The following OTUD5 variants were observed in gnomAD, a reference collection of about 807,000 sequenced individuals.
The protein encoded by OTUD5 is OTU domain-containing protein 5.
A neutral mutation model predicts 36.3 loss-of-function variants in OTUD5; 2 were observed. The observed-to-expected ratio is 0.06, with a 90% CI of 0.02 to 0.17. The LOEUF (loss-of-function observed/expected upper bound fraction) is 0.17, where lower values mean the gene tolerates loss of function less well. OTUD5 is among the 10% of genes least tolerant of loss of function. The pLI, the probability that OTUD5 is intolerant of heterozygous loss-of-function variation, is 1.00. For missense variants in OTUD5, 233 were observed against 512.3 expected (o/e 0.45, Z 5.26); for synonymous variants, 234 against 214.9 (o/e 1.09, Z -0.78).
chrX:48,938,846 A>G (rs1383588211), intron 2 of OTUD5, among the ~76,000 whole-genome samples: 1 of 111,266 alleles, frequency 9.0e-6, no homozygotes, highest in Non-Finnish European at 1.9e-5. Context: ...GATGACCTGC[A>G]GAGGTAGGGG....
intron 2 of OTUD5, among the ~76,000 whole-genome samples, chrX:48,937,484 T>A (rs886710248): frequency 8.9e-6 from 1 of 111,965 alleles, no homozygotes; most frequent in Non-Finnish European, 1.9e-5. Flanking sequence ...GGGAGTTCTA[T>A]CTTCAAGAGC....
At chrX:48,932,442 G>A (rs1434491374) in intron 5 of OTUD5, among the ~76,000 whole-genome samples, 2 of 109,435 alleles carry the variant, frequency 1.8e-5, no homozygotes, top group East Asian at 2.9e-4. Context: ...CTCCTGCCTC[G>A]GCCTCCCAAG....
At chrX:48,929,139 G>A (rs1051098623) in intron 5 of OTUD5, among the ~76,000 whole-genome samples, 5 of 111,568 alleles carry the variant, frequency 4.5e-5, no homozygotes, top group African/African-American at 1.6e-4. Context: ...TGTAATTCCA[G>A]CACTTTGGGA....
At chrX:48,928,488 G>A (rs2063699909) in intron 5 of OTUD5, among the ~76,000 whole-genome samples, 1 of 111,568 alleles carries the variant, frequency 9.0e-6, no homozygotes, top group African/African-American at 3.3e-5. Context: ...ATACTGCTAA[G>A]TGAAAAGAAG....
chrX:48,931,615 C>T (rs1318776103), intron 5 of OTUD5, among the ~76,000 whole-genome samples: 1 of 106,978 alleles, frequency 9.3e-6, no homozygotes, highest in Non-Finnish European at 1.9e-5. Context: ...CCCGTCTCTA[C>T]TAAAAATAGA....
At chrX:48,955,126 T>C (rs2064214104) in intron 1 of OTUD5, among the ~76,000 whole-genome samples, 2 of 111,616 alleles carry the variant, frequency 1.8e-5, no homozygotes, top group Admixed American at 1.9e-4. Flanking sequence ...CCCAGACTCT[T>C]TTCCTCAGAA....
intron 1 of OTUD5, among the ~76,000 whole-genome samples, chrX:48,955,531 G>A (rs2064222566): frequency 1.8e-5 from 2 of 111,352 alleles, no homozygotes; most frequent in Non-Finnish European, 3.8e-5. Flanking sequence ...TGAGTCTCCT[G>A]TCCCTGAAGG....
At chrX:48,930,272 G>C (rs1004252438) in intron 5 of OTUD5, among the ~76,000 whole-genome samples, 28 of 111,944 alleles carry the variant, frequency 2.5e-4, no homozygotes, top group African/African-American at 8.8e-4. Context: ...CGGGGGTACG[G>C]GTGAACAAGT....
At chrX:48,929,226 A>C (rs1157227569) in intron 5 of OTUD5, among the ~76,000 whole-genome samples, 2 of 108,609 alleles carry the variant, frequency 1.8e-5, no homozygotes, top group African/African-American at 3.4e-5. Context: ...GTCTCTACTA[A>C]AAATCAAAAA....
At chrX:48,947,366 CAG>C (rs782604985) in intron 1 of OTUD5, among the ~76,000 whole-genome samples, 11 of 109,408 alleles carry the variant, frequency 1.0e-4, no homozygotes, top group African/African-American at 3.0e-4. Flanking sequence ...GCCTAGGCGA[CAG>C]AGTGAGACTC....
At chrX:48,957,882 C>A, upstream of OTUD5, 2 of 692,959 alleles carry the variant, frequency 2.9e-6, no homozygotes, top group Non-Finnish European at 3.4e-6. Context: ...CGGCCTTCTG[C>A]TTCAAAGGAA....
intron 2 of OTUD5, among the ~76,000 whole-genome samples, chrX:48,941,940 G>A (rs1215304531): frequency 1.8e-5 from 2 of 111,334 alleles, no homozygotes; most frequent in Non-Finnish European, 3.8e-5. Context: ...GAGGACTTCT[G>A]AGGTTTTACA....
chrX:48,937,696 G>C (rs1271649653), intron 2 of OTUD5, among the ~76,000 whole-genome samples: 1 of 112,579 alleles, frequency 8.9e-6, no homozygotes, highest in East Asian at 2.8e-4. Flanking sequence ...ATAAGGTGGA[G>C]ACAGTAACTC....
chrX:48,936,562 T>C (rs1557050010), intron 2 of OTUD5, among the ~76,000 whole-genome samples: 1 of 110,723 alleles, frequency 9.0e-6, no homozygotes, highest in Admixed American at 9.6e-5. Flanking sequence ...TGTTCTTTAA[T>C]ACAGTTCCCC....
At chrX:48,924,252 C>A (rs368346570) in intron 6 of OTUD5, among the ~76,000 whole-genome samples, 200 bp from the exon 7 acceptor site, 20 of 111,324 alleles carry the variant, frequency 1.8e-4, no homozygotes, top group Non-Finnish European at 3.2e-4. Flanking sequence ...TCTCTCACAC[C>A]CCTACAGCCA....
chrX:48,944,289 G>C lies in OTUD5; in HGVS notation c.595-6C>G. On this transcript the variant is annotated splice_polypyrimidine_tract_variant and splice_region_variant and intron_variant, in intron 1 of 8. Transcript: ENST00000376488. ...TTTTCAAACCAATGCTCCTGCTGGAGGGAAGAGGTGGGGGTCAGCAACAGG... is the reference window on the plus strand; with the variant it reads ...TTTTCAAACCAATGCTCCTGCTGGACGGAAGAGGTGGGGGTCAGCAACAGG... The C allele has an allele frequency of 8.7e-7, 1 of 1,147,116 alleles. No homozygotes were observed. The highest frequency in any genetic ancestry group is 1.2e-6 in the Non-Finnish European group (1 of 838,916). The allele number at this position is 1,147,116 out of a possible 1,213,427, so 94.5% of individuals were successfully genotyped here. A position where few individuals can be genotyped will look rare whatever the true frequency, so the allele number is the denominator to read the frequency against.
intron 1 of OTUD5, among the ~76,000 whole-genome samples, chrX:48,951,431 A>T (rs184720840): frequency 9.0e-6 from 1 of 111,560 alleles, no homozygotes; most frequent in East Asian, 2.8e-4. Context: ...TGGCTAACAC[A>T]GTGAATCCCT....
chrX:48,942,244 T>TACACACACACACACAC (rs1188711919), intron 2 of OTUD5, among the ~76,000 whole-genome samples: 724 of 57,062 alleles, frequency 0.013, 38 homozygotes, highest in African/African-American at 0.026. Context: ...CACACACACA[T>TACACACACACACACAC]ACACACACAC....
chrX:48,938,678 G>A (rs1557050433), intron 2 of OTUD5, among the ~76,000 whole-genome samples: 2 of 108,062 alleles, frequency 1.9e-5, no homozygotes, highest in Non-Finnish European at 3.8e-5. Context: ...TAGGCAACAA[G>A]AGCGAAACTC....
Sources: allele counts gnomAD v4.1 joint callset (sites outside exome capture counted in the v4.1 genomes callset), GRCh38; gene constraint gnomAD v4.1.1; transcripts MANE v1.5; gene names NCBI Gene and HGNC (gene_info 2026-07-23, HGNC 2026-07-21).